Variants in IQSEC1 observed in about 807,000 individuals in gnomAD.
The protein encoded by IQSEC1 is IQ motif and Sec7 domain ArfGEF 1.
In IQSEC1, 31 loss-of-function variants were observed where a neutral mutation model predicts 91.0. The observed-to-expected ratio is 0.34, with a 90% CI of 0.26 to 0.46. The LOEUF is 0.46. IQSEC1 is among the 20% of genes least tolerant of loss of function. The probability of loss-of-function intolerance (pLI) is 1.00; values close to 1 mark genes in which losing one functional copy is unlikely to be tolerated. For missense variants in IQSEC1, 1,388 were observed against 1,575.6 expected, an observed-to-expected ratio of 0.88 and a Z score of 2.02; for synonymous variants, 699 against 662.6, an observed-to-expected ratio of 1.05 and a Z score of -0.84.
chr3:13,232,854 GC>G (rs1393180422), intron 1 of IQSEC1, among the ~76,000 whole-genome samples: 2 of 152,300 alleles, frequency 1.3e-5, no homozygotes, highest in East Asian at 3.9e-4. Context: ...TATGGATGAA[GC>G]CTGAGGACAC....
intron 1 of IQSEC1, among the ~76,000 whole-genome samples, chr3:13,042,791 T>G (rs1704332373): frequency 6.6e-6 from 1 of 151,992 alleles, no homozygotes; most frequent in African/African-American, 2.4e-5. Context: ...CTCCGGGTGG[T>G]GGGGCCGGCA....
intron 1 of IQSEC1, among the ~76,000 whole-genome samples, chr3:13,241,915 G>A (rs1208763392): frequency 6.6e-6 from 1 of 152,274 alleles, no homozygotes; most frequent in Non-Finnish European, 1.5e-5. Context: ...TGGTGGAGAA[G>A]GTGGCGCCAC....
At chr3:13,231,304 C>T (rs559190637) in intron 1 of IQSEC1, among the ~76,000 whole-genome samples, 7 of 152,296 alleles carry the variant, frequency 4.6e-5, no homozygotes, top group South Asian at 2.1e-4. Context: ...CGTGTGCACA[C>T]ATGTGTGCAT....
chr3:12,930,996 G>C (rs1356528703), intron 3 of IQSEC1, among the ~76,000 whole-genome samples: 1 of 152,144 alleles, frequency 6.6e-6, no homozygotes, highest in African/African-American at 2.4e-5. Flanking sequence ...CAGCAAGCTC[G>C]CCACCTCCGG....
chr3:13,137,292 C>T (rs1706726938), intron 2 of IQSEC1, among the ~76,000 whole-genome samples: 1 of 152,172 alleles, frequency 6.6e-6, no homozygotes, highest in Non-Finnish European at 1.5e-5. Flanking sequence ...CAAACACGCC[C>T]TGACAGGAGA....
At chr3:13,049,168 C>T (rs1429925896) in intron 1 of IQSEC1, among the ~76,000 whole-genome samples, 1 of 152,188 alleles carries the variant, frequency 6.6e-6, no homozygotes, top group Non-Finnish European at 1.5e-5. Flanking sequence ...TTCAGGGAGT[C>T]CTGGATCTGG....
chr3:13,107,678 C>T (rs1168899543), intron 2 of IQSEC1, among the ~76,000 whole-genome samples: 1 of 152,242 alleles, frequency 6.6e-6, no homozygotes, highest in African/African-American at 2.4e-5. Flanking sequence ...TAACCTCTTC[C>T]CAGTGGGCCC....
chr3:13,204,961 G>A (rs1365211448), intron 1 of IQSEC1, among the ~76,000 whole-genome samples: 4 of 151,640 alleles, frequency 2.6e-5, no homozygotes, highest in East Asian at 1.9e-4. Flanking sequence ...CCACCACGCC[G>A]GGCTTTTCGT....
chr3:13,252,621 A>G (rs1371054442), intron 1 of IQSEC1, among the ~76,000 whole-genome samples: 1 of 152,220 alleles, frequency 6.6e-6, no homozygotes, highest in African/African-American at 2.4e-5. Context: ...AACCACCACA[A>G]CGTTTCCACA....
chr3:12,924,693 C>G lies in IQSEC1; in HGVS notation c.1618G>C (p.Asp540His). The G allele has an allele frequency of 6.2e-7, 1 of 1,608,122 alleles. No individual in the cohort carries two copies. Among genetic ancestry groups the G allele is most frequent in the Non-Finnish European group, 8.5e-7 (1 of 1,176,790 alleles). The change falls in exon 4 of 14, where the codon GAC becomes CAC. Residue 540 changes from aspartate (D) to histidine (H), a missense_variant. Around this residue, in one of 2 missense-constraint regions of IQSEC1, gnomAD observed 1,059 missense variants for 1,317.8 expected, o/e 0.80. Coordinates refer to ENST00000613206, the MANE Select transcript of IQSEC1 (RefSeq NM_001134382.3). This position sits in a 1 kb window ranked among gnomAD's most constrained non-coding sequence, Gnocchi z 6.3. The stretch of plus-strand genomic sequence containing the variant: ...AAGTGGGCCACCCCGACGGGCGTGT[C>G]GGGCACAAAGCCACGCTCGATGAGG... ...QYLIERGFVP[D>H]TPVGVAHFLL...
intron 1 of IQSEC1, among the ~76,000 whole-genome samples, chr3:13,038,014 T>A (rs912014844): frequency 2.0e-5 from 3 of 152,012 alleles, no homozygotes; most frequent in African/African-American, 7.2e-5. Context: ...CTATGTGTAT[T>A]TTACCACAAG....
At chr3:12,953,173 G>C (rs1424135939) in intron 1 of IQSEC1, among the ~76,000 whole-genome samples, 1 of 152,224 alleles carries the variant, frequency 6.6e-6, no homozygotes, top group Admixed American at 6.5e-5. Flanking sequence ...CCCACCCTGT[G>C]CCTGGCTGCA....
At chr3:12,915,216 C>A in intron 7 of IQSEC1, 83 bp from the exon 8 acceptor site, 1 of 1,420,602 alleles carries the variant, frequency 7.0e-7, no homozygotes, top group Non-Finnish European at 9.8e-7. Context: ...CCCCTCCCTA[C>A]ACCTACCCTT....
intron 1 of IQSEC1, among the ~76,000 whole-genome samples, chr3:13,182,058 A>G (rs1489264381): frequency 6.6e-6 from 1 of 152,196 alleles, no homozygotes; most frequent in Non-Finnish European, 1.5e-5. Flanking sequence ...TATCATTTTC[A>G]GCCATTCTTG....
intron 1 of IQSEC1, among the ~76,000 whole-genome samples, chr3:13,050,558 C>T (rs922252010): frequency 7.2e-5 from 11 of 152,310 alleles, no homozygotes; most frequent in Non-Finnish European, 1.0e-4. Flanking sequence ...TATGTTGAGA[C>T]GTAAGAGCTT....
intron 1 of IQSEC1, among the ~76,000 whole-genome samples, chr3:13,215,773 A>G (rs1044220162): frequency 5.9e-5 from 9 of 152,210 alleles, no homozygotes; most frequent in African/African-American, 1.9e-4. Context: ...GAGCCCCTCC[A>G]CAGTGGCTGA....
intron 1 of IQSEC1, among the ~76,000 whole-genome samples, chr3:13,246,252 G>A (rs993712024): frequency 2.0e-5 from 3 of 152,140 alleles, no homozygotes; most frequent in Non-Finnish European, 2.9e-5. Context: ...AAAACAAGCC[G>A]ATCACCAAAG....
intron 1 of IQSEC1, among the ~76,000 whole-genome samples, chr3:13,179,745 A>G (rs1021452325): frequency 4.6e-5 from 7 of 152,108 alleles, no homozygotes; most frequent in Non-Finnish European, 8.8e-5. Context: ...GCTTGCAGGG[A>G]GGTGTGGAGG....
chr3:13,120,791 G>C (rs1291903623), intron 2 of IQSEC1, among the ~76,000 whole-genome samples: 1 of 152,158 alleles, frequency 6.6e-6, no homozygotes, highest in East Asian at 1.9e-4. Flanking sequence ...CCTTCACCAT[G>C]ACAGAGAGGG....
Sources: allele counts gnomAD v4.1 joint callset (sites outside exome capture counted in the v4.1 genomes callset), GRCh38; gene constraint gnomAD v4.1.1; regional missense constraint gnomAD v4.1.1; non-coding constraint Gnocchi (gnomAD v3.1); transcripts MANE v1.5; gene names NCBI Gene and HGNC (gene_info 2026-07-23, HGNC 2026-07-21).